Variants in FER1L5 observed in about 807,000 individuals in gnomAD.
FER1L5 encodes fer-1 like family member 5, also known as fer-1-like protein 5.
In FER1L5, 187 loss-of-function variants were observed where a neutral mutation model predicts 279.9. The observed-to-expected ratio is 0.67, with a 90% CI of 0.59 to 0.75. The LOEUF (loss-of-function observed/expected upper bound fraction) is 0.75. Ranked by LOEUF, FER1L5 falls within the 30% of genes least tolerant of loss-of-function variation. The probability of loss-of-function intolerance (pLI) is 0.00; values close to 1 mark genes in which losing one functional copy is unlikely to be tolerated. For missense variants in FER1L5, 2,091 were observed against 2,594.4 expected (o/e 0.81, Z 4.21); for synonymous variants, 921 against 989.7 (o/e 0.93, Z 1.30).
chr2:96,672,239 C>A (rs936648674), intron 18 of FER1L5, among the ~76,000 whole-genome samples: 4 of 151,916 alleles, frequency 2.6e-5, no homozygotes, highest in African/African-American at 9.7e-5. Flanking sequence ...CCACCACGCC[C>A]GGCTAATTTT....
At chr2:96,688,992 T>G in intron 24 of FER1L5, 1 of 537,952 alleles carries the variant, frequency 1.9e-6, no homozygotes, top group Non-Finnish European at 3.3e-6. Flanking sequence ...TGTCCACACA[T>G]GCAGCATCCA....
At chr2:96,659,368 T>C (rs1573816298) in intron 9 of FER1L5, among the ~76,000 whole-genome samples, 11 of 11,496 alleles carry the variant, frequency 9.6e-4, no homozygotes, top group East Asian at 4.3e-3. Flanking sequence ...CTTCCTTCTT[T>C]CTTTCTTTCT....
Position 96,694,408 on chromosome 2 carries a change from G to A in FER1L5, c.3685G>A (p.Gly1229Arg). ...TATCTTAAGCGTTCCCTGGAAGAAT[G>A]GGGCATACACACTCCCCAAGAGCAT... ...LPILSVPWKNGAYTLPKSIQP... is the reference protein window; with the variant it reads ...LPILSVPWKNRAYTLPKSIQP... The change falls in exon 34 of 53, where the codon GGG becomes AGG. Residue 1229 changes from glycine (G) to arginine (R), a missense_variant. Physicochemically the swap from Gly to Arg is moderately radical, Grantham distance 125 (BLOSUM62 -2). Transcript: ENST00000624922. The surrounding 1 kb of genome is among the most constrained non-coding windows in gnomAD (Gnocchi z 4.6). 2.6e-6 allele frequency: 4 copies of A among 1,550,860 alleles called. No individual in the cohort carries two copies. Among genetic ancestry groups the A allele is most frequent in the Non-Finnish European group, 3.5e-6 (4 of 1,146,610 alleles).
At chr2:96,674,409 A>G (rs1235126915) in intron 19 of FER1L5, among the ~76,000 whole-genome samples, 1 of 152,060 alleles carries the variant, frequency 6.6e-6, no homozygotes, top group Admixed American at 6.5e-5. Context: ...TTTTTAGTAG[A>G]GACGGGATTT....
chr2:96,699,843 C>G, intron 43 of FER1L5, 89 bp from the exon 44 acceptor site: 1 of 1,579,874 alleles, frequency 6.3e-7, no homozygotes, highest in Non-Finnish European at 8.6e-7. Context: ...AGTCTCCACC[C>G]AAGCTTCCAC....
intron 19 of FER1L5, 139 bp from the exon 20 acceptor site, chr2:96,684,188 G>C (rs945061799): frequency 5.2e-5 from 60 of 1,143,072 alleles, no homozygotes; most frequent in Non-Finnish European, 6.5e-5. Context: ...CCCAGCTGGA[G>C]GGCTCCAGTC....
chr2:96,698,862 G>A lies in FER1L5; in HGVS notation c.4518+30G>A, dbSNP rs1321814667. ...AGAACAGTACCTGCCCCACACAGGTGCCCCGCACGCTCCCCTCAACCCATC... is the reference window on the plus strand; with the variant it reads ...AGAACAGTACCTGCCCCACACAGGTACCCCGCACGCTCCCCTCAACCCATC... On this transcript the variant is annotated intron_variant, in intron 41 of 52. Transcript: ENST00000624922. The surrounding 1 kb of genome is among the most constrained non-coding windows in gnomAD (Gnocchi z 5.5). 1.9e-6 allele frequency: 3 copies of A among 1,552,044 alleles called. No homozygotes were observed. The East Asian group carries it at 7.3e-5, about 38-fold the overall frequency.
At chr2:96,661,029 T>A (rs1409174983) in intron 10 of FER1L5, among the ~76,000 whole-genome samples, 1 of 152,200 alleles carries the variant, frequency 6.6e-6, no homozygotes, top group African/African-American at 2.4e-5. Context: ...TACACTAGGT[T>A]GAGGAAAATG....
intron 37 of FER1L5, among the ~76,000 whole-genome samples, chr2:96,697,258 G>T (rs2077416545): frequency 6.6e-6 from 1 of 152,180 alleles, no homozygotes; most frequent in African/African-American, 2.4e-5. Context: ...TGGGGCTTGA[G>T]GTTCTGTATT....
Position 96,689,115 on chromosome 2 carries a change from TG to T in FER1L5, c.2362-97del. 2 of 1,373,986 alleles carry T rather than the reference TG, an allele frequency of 1.5e-6. No homozygotes were observed. The highest frequency in any genetic ancestry group is 1.9e-6 in the Non-Finnish European group (2 of 1,029,438). 85.1% of individuals were successfully genotyped at this position (1,373,986 alleles called of 1,614,324 possible). A position where few individuals can be genotyped will look rare whatever the true frequency, so the allele number is the denominator to read the frequency against. ...TTGCCTGGCTACCACATTTTTAGGA[TG>T]CCCCTGCAGCCCAGAGTCAGGGGGC... is the stretch of plus-strand genomic sequence containing the variant. On this transcript the variant is annotated intron_variant, in intron 24 of 52. Coordinates refer to ENST00000624922, the MANE Select transcript of FER1L5 (RefSeq NM_001293083.2). The surrounding 1 kb of genome is among the most constrained non-coding windows in gnomAD (Gnocchi z 4.6).
rs756357884 is a variant in FER1L5 at position 96,673,195 on chromosome 2, T to C, written c.1610T>C (p.Met537Thr). ...EVSIGHYGNK[M>T]DLNYKPLVSS... is the part of the protein sequence containing the mutation. ...AGCATCGGTCACTATGGGAACAAGATGGACCTGAATTACAAGCCTCTAGTC... is the reference window on the plus strand; with the variant it reads ...AGCATCGGTCACTATGGGAACAAGACGGACCTGAATTACAAGCCTCTAGTC... The change falls in exon 19 of 53, where the codon ATG becomes ACG. Residue 537 changes from methionine (M) to threonine (T), a missense_variant. Physicochemically the swap from Met to Thr is moderately conservative, Grantham distance 81. Transcript: ENST00000624922. 1.5e-5 allele frequency: 23 copies of C among 1,551,460 alleles called. No individual in the cohort carries two copies. Among genetic ancestry groups the C allele is most frequent in the Admixed American group, 7.8e-5 (4 of 50,968 alleles).
chr2:96,686,400 A>G (rs1261670772), intron 23 of FER1L5, 50 bp downstream of exon 23: 3 of 1,517,580 alleles, frequency 2.0e-6, no homozygotes, highest in Non-Finnish European at 2.7e-6. Flanking sequence ...AAATGCCCCC[A>G]GGGGAGCCCC....
rs533492166 is a variant in FER1L5, at chr2:96,685,449, G to A, written c.1895+20G>A. Reference sequence around the variant, plus strand: ...CTGCAAGTAGGAGTAGGGGCACTCCGGGATACAGCTGGCCTGGAGCTGAGC... The same window carrying A: ...CTGCAAGTAGGAGTAGGGGCACTCCAGGATACAGCTGGCCTGGAGCTGAGC... On this transcript the variant is annotated intron_variant, in intron 21 of 52. Coordinates refer to ENST00000624922, the MANE Select transcript of FER1L5 (RefSeq NM_001293083.2). 54 of 1,539,654 alleles carry A rather than the reference G, an allele frequency of 3.5e-5. No homozygotes were observed. The highest frequency in any genetic ancestry group is 9.9e-5 in the Admixed American group (5 of 50,312).
chr2:96,656,412 G>A (rs572700827), intron 9 of FER1L5, among the ~76,000 whole-genome samples: 3 of 152,292 alleles, frequency 2.0e-5, no homozygotes, highest in South Asian at 4.1e-4. Context: ...CAAGGCAGGC[G>A]GATCACCTGA....
Position 96,651,915 on chromosome 2 carries a change from C to T in FER1L5, c.528C>T (p.Ala176=), listed in dbSNP as rs1363905766. Reference sequence around the variant, plus strand: ...AGGTTCGAGTGAAGGTGTTTGAAGCCCGACAGCTCATGGGCAACAACATCA... The same window carrying T: ...AGGTTCGAGTGAAGGTGTTTGAAGCTCGACAGCTCATGGGCAACAACATCA... The part of the protein sequence containing the change: ...HFQVRVKVFE[A]RQLMGNNIKP... Residue 176 remains alanine (A), a synonymous_variant, in exon 7 of 53, where the codon GCC becomes GCT. Transcript: ENST00000624922. The T allele has an allele frequency of 3.2e-6, 5 of 1,552,046 alleles. No individual in the cohort carries two copies. The highest frequency in any genetic ancestry group is 4.4e-6 in the Non-Finnish European group (5 of 1,147,062).
intron 14 of FER1L5, among the ~76,000 whole-genome samples, 193 bp from the exon 15 acceptor site, chr2:96,668,558 A>G (rs1251514863): frequency 2.0e-5 from 3 of 152,100 alleles, no homozygotes; most frequent in Non-Finnish European, 4.4e-5. Flanking sequence ...AAACCCCCAG[A>G]AAACAAGAGG....
intron 3 of FER1L5, 38 bp downstream of exon 3, chr2:96,647,193 C>G (rs1388373202): frequency 2.6e-6 from 4 of 1,536,878 alleles, no homozygotes; most frequent in Non-Finnish European, 3.5e-6. Flanking sequence ...TAGCTCCTGA[C>G]CAACGCAGCA....
intron 19 of FER1L5, among the ~76,000 whole-genome samples, chr2:96,682,079 C>G (rs2076750363): frequency 6.7e-6 from 1 of 149,602 alleles, no homozygotes; most frequent in Non-Finnish European, 1.5e-5. Context: ...AGCCACCATG[C>G]CTGGCCCTTT....
intron 8 of FER1L5, 53 bp downstream of exon 8, chr2:96,653,755 A>G: frequency 7.5e-7 from 1 of 1,338,478 alleles, no homozygotes; most frequent in Non-Finnish European, 1.0e-6. Context: ...CCACTTCAAT[A>G]CTGGGAAGCA....
Sources: allele counts gnomAD v4.1 joint callset (sites outside exome capture counted in the v4.1 genomes callset), GRCh38; gene constraint gnomAD v4.1.1; non-coding constraint Gnocchi (gnomAD v3.1); transcripts MANE v1.5; gene names NCBI Gene and HGNC (gene_info 2026-07-23, HGNC 2026-07-21).